ROBO2: variants seen among roughly 807,000 people sequenced by gnomAD.
The protein encoded by ROBO2 is roundabout guidance receptor 2.
ROBO2 carries 53 observed loss-of-function variants against 160.8 expected under a neutral mutation model. That is an observed-to-expected ratio of 0.33 (90% confidence interval 0.26 to 0.41). The LOEUF is 0.41. Among genes scored for constraint, ROBO2 ranks in the 10% least tolerant of loss-of-function variants. The pLI is 1.00. For synonymous variants in ROBO2, 664 were observed against 611.7 expected, an observed-to-expected ratio of 1.09 and a Z score of -1.26; for missense variants, 1,577 against 1,722.4, an observed-to-expected ratio of 0.92 and a Z score of 1.49.
intron 2 of ROBO2, among the ~76,000 whole-genome samples, chr3:77,302,813 A>C (rs1490244361): frequency 1.3e-5 from 2 of 152,176 alleles, no homozygotes; most frequent in African/African-American, 4.8e-5. Context: ...TTTTATTGAG[A>C]AAGTGACCCA....
chr3:76,668,595 A>G (rs1424177706), intron 2 of ROBO2, among the ~76,000 whole-genome samples: 1 of 152,238 alleles, frequency 6.6e-6, no homozygotes, highest in Non-Finnish European at 1.5e-5. Flanking sequence ...CTTTATTCAC[A>G]CCCAAAGTTT....
At chr3:77,158,141 T>C (rs1043471232) in intron 2 of ROBO2, among the ~76,000 whole-genome samples, 1 of 152,094 alleles carries the variant, frequency 6.6e-6, no homozygotes, top group Non-Finnish European at 1.5e-5. Flanking sequence ...CTGAAAACTT[T>C]GAAGGATATT....
At chr3:76,289,443 T>C (rs537298798) in intron 2 of ROBO2, among the ~76,000 whole-genome samples, 1 of 152,300 alleles carries the variant, frequency 6.6e-6, no homozygotes, top group South Asian at 2.1e-4. Flanking sequence ...GTAGGTTGTT[T>C]TTTTTATTCT....
intron 2 of ROBO2, among the ~76,000 whole-genome samples, chr3:76,978,443 G>T (rs1467862352): frequency 6.6e-6 from 1 of 152,222 alleles, no homozygotes; most frequent in Middle Eastern, 3.4e-3. Context: ...AATGACCTGA[G>T]ATTTTTAGGA....
chr3:76,243,243 T>G (rs535087103), intron 2 of ROBO2, among the ~76,000 whole-genome samples: 14 of 152,172 alleles, frequency 9.2e-5, no homozygotes, highest in Non-Finnish European at 1.8e-4. Flanking sequence ...AACCCTGTGC[T>G]GCAGCTTCCA....
Position 76,260,604 on chromosome 3 carries a change from A to G in ROBO2, c.109+323002A>G, listed in dbSNP as rs138465343. 2.0e-3 allele frequency among the ~76,000 whole-genome samples: 309 copies of G among 152,240 alleles called. 1 individual carries two copies. The highest frequency in any genetic ancestry group is 7.2e-3 in the African/African-American group (300 of 41,584). ...CCAAATAGAATGGATTAAAAAACCG[A>G]TAGTGTCAAATATATGTTTCTTAAA... On this transcript the variant is annotated intron_variant, in intron 2 of 26. Coordinates refer to the ROBO2 transcript ENST00000487694.
chr3:77,476,924 CAG>C (rs1447098801), intron 2 of ROBO2, among the ~76,000 whole-genome samples: 1 of 152,056 alleles, frequency 6.6e-6, no homozygotes, highest in African/African-American at 2.4e-5. Context: ...GTAATGAAAA[CAG>C]TGTGGATCTT....
intron 2 of ROBO2, among the ~76,000 whole-genome samples, chr3:77,289,753 C>T (rs139833356): frequency 2.7e-3 from 407 of 151,514 alleles, no homozygotes; most frequent in African/African-American, 9.5e-3. Flanking sequence ...TCACTGAAGA[C>T]ATAAAGTAAA....
At chr3:76,715,403 G>A (rs2093363982) in intron 2 of ROBO2, among the ~76,000 whole-genome samples, 1 of 152,198 alleles carries the variant, frequency 6.6e-6, no homozygotes, top group African/African-American at 2.4e-5. Flanking sequence ...CTTCAGAATT[G>A]TGGGAGACAG....
At chr3:76,289,928 G>A (rs1708720635) in intron 2 of ROBO2, among the ~76,000 whole-genome samples, 1 of 152,132 alleles carries the variant, frequency 6.6e-6, no homozygotes, top group South Asian at 2.1e-4. Flanking sequence ...GTAGTGTAAT[G>A]CATCTGGCAT....
chr3:75,932,058 A>G (rs929951053), intron 1 of ROBO2, among the ~76,000 whole-genome samples: 5 of 152,176 alleles, frequency 3.3e-5, no homozygotes, highest in African/African-American at 7.2e-5. Flanking sequence ...GCCAGGGTAT[A>G]TAGTCTGGCT....
intron 1 of ROBO2, among the ~76,000 whole-genome samples, chr3:77,063,587 G>A (rs2066535507): frequency 6.6e-6 from 1 of 152,166 alleles, no homozygotes; most frequent in African/African-American, 2.4e-5. Flanking sequence ...TTGAATTGTA[G>A]TAATTTACAT....
intron 2 of ROBO2, among the ~76,000 whole-genome samples, chr3:77,224,349 T>G (rs747651971): frequency 1.3e-5 from 2 of 151,948 alleles, no homozygotes; most frequent in Non-Finnish European, 2.9e-5. Context: ...CCTAACTAAG[T>G]AAAATACAGT....
intron 5 of ROBO2, among the ~76,000 whole-genome samples, chr3:77,522,292 TTAAC>T (rs2090680198): frequency 6.6e-6 from 1 of 151,258 alleles, no homozygotes; most frequent in Non-Finnish European, 1.5e-5. Context: ...CTTAATTCTT[TTAAC>T]TAATGCCCAT....
intron 2 of ROBO2, among the ~76,000 whole-genome samples, chr3:75,995,571 G>A (rs2065703163): frequency 6.6e-6 from 1 of 152,162 alleles, no homozygotes; most frequent in Admixed American, 6.5e-5. Flanking sequence ...GTGCAGAAGG[G>A]AAACATGGGG....
At chr3:76,820,052 G>A (rs963251619) in intron 2 of ROBO2, among the ~76,000 whole-genome samples, 2 of 152,062 alleles carry the variant, frequency 1.3e-5, no homozygotes, top group Non-Finnish European at 2.9e-5. Flanking sequence ...GTGACAGCCT[G>A]ACTTGAGTTC....
intron 2 of ROBO2, among the ~76,000 whole-genome samples, chr3:76,992,459 AC>A (rs773395871): frequency 2.0e-5 from 3 of 151,352 alleles, no homozygotes; most frequent in South Asian, 4.2e-4. Context: ...TTACTGAAAT[AC>A]ATCTCTAAAG....
intron 2 of ROBO2, among the ~76,000 whole-genome samples, chr3:76,563,934 G>T (rs1560155801): frequency 6.6e-6 from 1 of 152,192 alleles, no homozygotes; most frequent in Non-Finnish European, 1.5e-5. Flanking sequence ...AGATCTAAAA[G>T]TATGCTCTTG....
intron 2 of ROBO2, among the ~76,000 whole-genome samples, chr3:76,092,476 G>A (rs2069275250): frequency 6.6e-6 from 1 of 152,040 alleles, no homozygotes; most frequent in Non-Finnish European, 1.5e-5. Context: ...TAACAGTAAT[G>A]GCTAATGGCA....
Sources: gnomAD v4.1 joint callset for allele counts (sites outside exome capture counted in the v4.1 genomes callset) on GRCh38, gnomAD v4.1.1 for gene constraint, MANE v1.5 for transcripts, NCBI Gene and HGNC (gene_info 2026-07-23, HGNC 2026-07-21) for gene names.